ARHGAP32: variants seen among roughly 807,000 people sequenced by gnomAD.
ARHGAP32 encodes rho GTPase-activating protein 32.
ARHGAP32 carries 51 observed loss-of-function variants against 186.5 expected under a neutral mutation model. The ratio of observed to expected loss-of-function variants is 0.27; its 90% confidence interval spans 0.22 to 0.35. ARHGAP32 has a LOEUF of 0.35. Ranked by LOEUF, ARHGAP32 falls within the 10% of genes least tolerant of loss-of-function variation. The pLI is 1.00. For missense variants in ARHGAP32, 2,186 were observed against 2,623.5 expected (o/e 0.83, Z 3.64); for synonymous variants, 950 against 964.3 (o/e 0.99, Z 0.27).
intron 10 of ARHGAP32, among the ~76,000 whole-genome samples, chr11:129,044,780 T>C (rs1490894407): frequency 6.6e-6 from 1 of 152,106 alleles, no homozygotes. Flanking sequence ...CTGCTTAACA[T>C]CTCTGTCTTA....
Position 129,063,538 on chromosome 11 carries a change from T to C in ARHGAP32, c.885+364A>G, listed in dbSNP as rs75103074. Among the ~76,000 whole-genome samples, 1,476 of 152,224 alleles carry C rather than the reference T, an allele frequency of 9.7e-3. 20 individuals carry two copies. The highest frequency in any genetic ancestry group is 0.028 in the African/African-American group (1,176 of 41,530). On this transcript the variant is annotated intron_variant, in intron 9 of 22. Transcript: ENST00000682385. Reference sequence around the variant, plus strand: ...CAGACCTTGCTTTCCAGAAGCTCAATGAGACAAAGAGGAGAACAATCATGA... The same window carrying C: ...CAGACCTTGCTTTCCAGAAGCTCAACGAGACAAAGAGGAGAACAATCATGA...
chr11:129,051,954 A>C (rs1217694610), intron 10 of ARHGAP32, among the ~76,000 whole-genome samples: 1 of 5,370 alleles, frequency 1.9e-4, no homozygotes, highest in Non-Finnish European at 5.2e-4. Flanking sequence ...ATTCTGTCTC[A>C]AAAAAAAAAA....
chr11:129,099,742 A>T (rs1941836753), intron 5 of ARHGAP32, among the ~76,000 whole-genome samples: 1 of 152,224 alleles, frequency 6.6e-6, no homozygotes, highest in South Asian at 2.1e-4. Flanking sequence ...AAGAAGATAC[A>T]ATTATAAGCA....
In ARHGAP32 at chr11:129,047,082, C is replaced by T. The variant is rs558854831; in HGVS notation, c.964-6073G>A. The stretch of plus-strand genomic sequence containing the variant: ...GACAGAGCTTGCAGTGAGCAGATAT[C>T]GAGCCACTGCACTCCAGCCTGGGTG... On this transcript the variant is annotated intron_variant, in intron 10 of 22. Coordinates refer to ENST00000682385, the MANE Select transcript of ARHGAP32 (RefSeq NM_001378024.1). Among the ~76,000 whole-genome samples the T allele has an allele frequency of 6.7e-5, 10 of 150,310 alleles. No individual in the cohort carries two copies. In the East Asian group the frequency reaches 1.2e-3, roughly 18 times the overall value.
At chr11:129,058,552 C>T (rs1402626043) in intron 10 of ARHGAP32, among the ~76,000 whole-genome samples, 2 of 152,266 alleles carry the variant, frequency 1.3e-5, no homozygotes, top group South Asian at 2.1e-4. Context: ...GTAAGCTAAA[C>T]TCATGGTTTT....
At position 128,980,765 on chromosome 11, in the gene ARHGAP32, A is replaced by G; in HGVS notation, c.1781-17T>C. 1.3e-6 allele frequency: 2 copies of G among 1,573,360 alleles called. No homozygotes were observed. The highest frequency in any genetic ancestry group is 1.7e-6 in the Non-Finnish European group (2 of 1,152,416). On this transcript the variant is annotated splice_polypyrimidine_tract_variant and intron_variant, in intron 17 of 22. Coordinates refer to ENST00000682385, the MANE Select transcript of ARHGAP32 (RefSeq NM_001378024.1). ...ATAGAGAAGCTTCAAAAAGAAAAGG[A>G]AGCTGATGAAGAGAGTCAACTACGT... is the stretch of plus-strand genomic sequence containing the variant.
chr11:129,110,139 T>C (rs910090287), intron 5 of ARHGAP32, among the ~76,000 whole-genome samples: 2 of 152,280 alleles, frequency 1.3e-5, no homozygotes, highest in Non-Finnish European at 2.9e-5. Context: ...GATAGGGGTT[T>C]AGTTTCATTC....
At chr11:129,197,622 T>C (rs1347195632) in intron 1 of ARHGAP32, among the ~76,000 whole-genome samples, 1 of 152,204 alleles carries the variant, frequency 6.6e-6, no homozygotes, top group Admixed American at 6.5e-5. Context: ...GTATGTATCA[T>C]ATAATTGTAT....
chr11:129,271,057 A>G (rs760885395), intron 1 of ARHGAP32, among the ~76,000 whole-genome samples: 1 of 152,186 alleles, frequency 6.6e-6, no homozygotes, highest in Non-Finnish European at 1.5e-5. Flanking sequence ...GACCAAAATG[A>G]AGGGTTTATT....
intron 5 of ARHGAP32, among the ~76,000 whole-genome samples, chr11:129,117,372 G>T (rs935109910): frequency 2.0e-5 from 3 of 151,894 alleles, no homozygotes; most frequent in Non-Finnish European, 4.4e-5. Flanking sequence ...AATAAATATT[G>T]GCTTGTATTT....
chr11:129,237,320 T>C (rs1417682255), intron 1 of ARHGAP32, among the ~76,000 whole-genome samples: 5 of 152,184 alleles, frequency 3.3e-5, no homozygotes, highest in Admixed American at 3.3e-4. Flanking sequence ...TTTCCCTTTG[T>C]TTATAACTCA....
chr11:129,088,670 C>G (rs1377438676), intron 6 of ARHGAP32, among the ~76,000 whole-genome samples: 1 of 152,140 alleles, frequency 6.6e-6, no homozygotes, highest in East Asian at 1.9e-4. Flanking sequence ...AGTTCAATGA[C>G]TTTGTAAAGG....
At chr11:129,075,045 C>A (rs916466433) in intron 6 of ARHGAP32, among the ~76,000 whole-genome samples, 1 of 151,816 alleles carries the variant, frequency 6.6e-6, no homozygotes, top group African/African-American at 2.4e-5. Context: ...ATATATATCA[C>A]AATAAAGTTG....
chr11:129,148,908 C>A (rs1226369424), intron 2 of ARHGAP32, among the ~76,000 whole-genome samples: 1 of 152,112 alleles, frequency 6.6e-6, no homozygotes, highest in Non-Finnish European at 1.5e-5. Context: ...GGCCTGAGAA[C>A]CACCCCCTCA....
intron 5 of ARHGAP32, among the ~76,000 whole-genome samples, chr11:129,102,838 A>C (rs1358243944): frequency 1.3e-5 from 2 of 152,160 alleles, no homozygotes; most frequent in Admixed American, 6.5e-5. Context: ...TATGACCTAG[A>C]AGAATTACTA....
chr11:129,187,784 T>C (rs554723686), intron 1 of ARHGAP32, among the ~76,000 whole-genome samples: 1 of 152,314 alleles, frequency 6.6e-6, no homozygotes, highest in Admixed American at 6.5e-5. Flanking sequence ...GTTGTAGCTT[T>C]TTGGGCAAAA....
intron 1 of ARHGAP32, among the ~76,000 whole-genome samples, chr11:129,203,912 T>C (rs1172057118): frequency 1.3e-5 from 2 of 148,160 alleles, no homozygotes; most frequent in African/African-American, 4.9e-5. Flanking sequence ...AAATTGCATA[T>C]ATATATAATT....
At chr11:129,080,952 T>A (rs1941202041) in intron 6 of ARHGAP32, among the ~76,000 whole-genome samples, 1 of 151,904 alleles carries the variant, frequency 6.6e-6, no homozygotes, top group African/African-American at 2.4e-5. Context: ...AATAAAAAGA[T>A]CATTCAAAGA....
intron 11 of ARHGAP32, among the ~76,000 whole-genome samples, chr11:129,031,888 G>A (rs371383036): frequency 2.6e-5 from 4 of 152,286 alleles, no homozygotes; most frequent in African/African-American, 9.6e-5. Context: ...GCAGCCGGAC[G>A]TTTGAGAGAA....
Sources: allele counts gnomAD v4.1 joint callset (sites outside exome capture counted in the v4.1 genomes callset), GRCh38; gene constraint gnomAD v4.1.1; transcripts MANE v1.5; gene names NCBI Gene and HGNC (gene_info 2026-07-23, HGNC 2026-07-21).